TMEM39B: variants seen among roughly 807,000 people sequenced by gnomAD.
TMEM39B encodes the protein transmembrane protein 39B.
In TMEM39B, 23 loss-of-function variants were observed where a neutral mutation model predicts 52.2. That is an observed-to-expected ratio of 0.44 (90% confidence interval 0.32 to 0.62). The LOEUF (loss-of-function observed/expected upper bound fraction) is 0.62. Ranked by LOEUF, TMEM39B falls within the 20% of genes least tolerant of loss-of-function variation. TMEM39B has a pLI of 0.06. For synonymous variants in TMEM39B, 285 were observed against 264.0 expected, an observed-to-expected ratio of 1.08 and a Z score of -0.77; for missense variants, 547 against 642.0, an observed-to-expected ratio of 0.85 and a Z score of 1.60.
intron 1 of TMEM39B, among the ~76,000 whole-genome samples, chr1:32,074,617 G>T (rs1349930989): frequency 6.6e-6 from 1 of 152,182 alleles, no homozygotes; most frequent in Non-Finnish European, 1.5e-5. Flanking sequence ...ATTGGAGAGA[G>T]AGTGATGGGG....
At chr1:32,076,608 G>A in intron 3 of TMEM39B, 155 bp from the exon 4 acceptor site, 1 of 764,096 alleles carries the variant, frequency 1.3e-6, no homozygotes, top group Non-Finnish European at 2.3e-6. Flanking sequence ...TACTCCTGTA[G>A]GTAATTTCCT....
At chr1:32,088,446 T>C (rs1640465971) in intron 5 of TMEM39B, among the ~76,000 whole-genome samples, 1 of 151,954 alleles carries the variant, frequency 6.6e-6, no homozygotes, top group South Asian at 2.1e-4. Flanking sequence ...ATTATGTGAC[T>C]CATCTTTCTG....
chr1:32,096,831 G>A (rs1266930394), intron 7 of TMEM39B, among the ~76,000 whole-genome samples: 2 of 150,112 alleles, frequency 1.3e-5, no homozygotes, highest in Admixed American at 6.7e-5. Context: ...TTGAGACAAG[G>A]TCCCACTCTG....
At chr1:32,098,043 T>G (rs1640879354) in intron 7 of TMEM39B, among the ~76,000 whole-genome samples, 1 of 150,900 alleles carries the variant, frequency 6.6e-6, no homozygotes, top group Non-Finnish European at 1.5e-5. Context: ...GTTGCCCAGG[T>G]TGGAGTGCAG....
chr1:32,088,720 A>T (rs942772607), intron 5 of TMEM39B, among the ~76,000 whole-genome samples: 1 of 152,154 alleles, frequency 6.6e-6, no homozygotes, highest in Non-Finnish European at 1.5e-5. Context: ...AATTTAATTG[A>T]TCATAGGACC....
intron 5 of TMEM39B, among the ~76,000 whole-genome samples, chr1:32,091,157 C>G (rs1252923130): frequency 6.6e-6 from 1 of 152,090 alleles, no homozygotes; most frequent in African/African-American, 2.4e-5. Flanking sequence ...TGGTACCAAA[C>G]AGTTCTGATT....
intron 7 of TMEM39B, among the ~76,000 whole-genome samples, chr1:32,096,560 A>C (rs1640816236): frequency 6.8e-6 from 1 of 147,280 alleles, no homozygotes; most frequent in African/African-American, 2.5e-5. Context: ...CCTGGATTCA[A>C]GCGATTCTCC....
intron 5 of TMEM39B, among the ~76,000 whole-genome samples, chr1:32,088,243 C>T (rs556502680): frequency 2.7e-5 from 4 of 149,030 alleles, no homozygotes; most frequent in Admixed American, 6.8e-5. Flanking sequence ...GGTGAAACCC[C>T]GTCTCTACCA....
chr1:32,097,731 G>A (rs928841490), intron 7 of TMEM39B, among the ~76,000 whole-genome samples: 2 of 150,154 alleles, frequency 1.3e-5, no homozygotes, highest in African/African-American at 2.5e-5. Flanking sequence ...TGCAAGCTCC[G>A]CCTCCCAGGT....
At chr1:32,091,562 C>T (rs1224623413) in intron 5 of TMEM39B, 113 bp from the exon 6 acceptor site, 13 of 1,250,128 alleles carry the variant, frequency 1.0e-5, no homozygotes, top group Admixed American at 5.5e-5. Context: ...ATTCTCCCCT[C>T]TGGGCAGCCA....
intron 8 of TMEM39B, among the ~76,000 whole-genome samples, chr1:32,101,895 G>A (rs1641031526): frequency 6.6e-6 from 1 of 152,044 alleles, no homozygotes; most frequent in African/African-American, 2.4e-5. Flanking sequence ...CTGTTGCCAT[G>A]TCCCTTGGCA....
intron 4 of TMEM39B, 103 bp downstream of exon 4, chr1:32,076,949 G>A: frequency 7.1e-7 from 1 of 1,405,748 alleles, no homozygotes; most frequent in Non-Finnish European, 1.0e-6. Context: ...GTATTTCCTT[G>A]GGGCTCCCTT....
chr1:32,075,847 T>TGTGTGTGTGTGTGTGTGC, intron 3 of TMEM39B, 25 bp downstream of exon 3: 1 of 1,278,204 alleles, frequency 7.8e-7, no homozygotes. Flanking sequence ...AGGGTGTGTG[T>TGTGTGTGTGTGTGTGTGC]GTGTGTGTGT....
chr1:32,093,122 G>A (rs942194716), intron 6 of TMEM39B, among the ~76,000 whole-genome samples: 5 of 151,586 alleles, frequency 3.3e-5, no homozygotes, highest in South Asian at 2.1e-4. Context: ...TTTTTTAGAC[G>A]GAGTCTCGCT....
At chr1:32,099,954 G>A (rs539558717) in intron 7 of TMEM39B, among the ~76,000 whole-genome samples, 66 of 152,276 alleles carry the variant, frequency 4.3e-4, no homozygotes, top group African/African-American at 1.5e-3. Context: ...GGCTGAGGCA[G>A]GAGAATTGCT....
chr1:32,095,016 C>A, intron 7 of TMEM39B, 45 bp downstream of exon 7: 1 of 1,596,656 alleles, frequency 6.3e-7, no homozygotes, highest in South Asian at 1.1e-5. Flanking sequence ...CCCTTCTGGT[C>A]AGCATCTGGA....
rs755929146 is a variant in TMEM39B, at chr1:32,077,272, C to T, written c.544C>T (p.Leu182Phe). 1.9e-6 allele frequency: 3 copies of T among 1,614,192 alleles called. No homozygotes were observed. Among genetic ancestry groups the T allele is most frequent in the Non-Finnish European group, 2.5e-6 (3 of 1,180,036 alleles). Reference sequence around the variant, plus strand: ...GAGTCTGTGCCGATCCCTCATCCACCTCTTCAGGACCTACTCCTTCCTGAA... The same window carrying T: ...GAGTCTGTGCCGATCCCTCATCCACTTCTTCAGGACCTACTCCTTCCTGAA... ...GWSLCRSLIH[L>F]FRTYSFLNLL... The change falls in exon 5 of 9, where the codon CTC (leucine) becomes TTC (phenylalanine). Residue 182 changes from leucine (L) to phenylalanine (F), a missense_variant. By Grantham distance (22) the Leu-to-Phe change is conservative (BLOSUM62 0). Coordinates refer to ENST00000336294, the MANE Select transcript of TMEM39B (RefSeq NM_018056.4).
chr1:32,097,273 C>T (rs936120216), intron 7 of TMEM39B, among the ~76,000 whole-genome samples: 6 of 151,710 alleles, frequency 4.0e-5, no homozygotes, highest in South Asian at 2.1e-4. Context: ...TTTTCTTTCA[C>T]GAGAGGTTAG....
chr1:32,073,037 G>A lies in TMEM39B; in HGVS notation c.-11G>A, dbSNP rs751496537. 1 of 1,522,502 alleles carries A rather than the reference G, an allele frequency of 6.6e-7. No individual in the cohort carries two copies. Among genetic ancestry groups the A allele is most frequent in the Non-Finnish European group, 8.8e-7 (1 of 1,133,130 alleles). 94.3% of individuals were successfully genotyped at this position (1,522,502 alleles called of 1,614,324 possible). A position where few individuals can be genotyped will look rare whatever the true frequency, so the allele number is the denominator to read the frequency against. On this transcript the variant is annotated 5_prime_UTR_variant, in exon 1 of 9. Coordinates refer to ENST00000336294, the MANE Select transcript of TMEM39B (RefSeq NM_018056.4). ...CTGCGGCGGCGAAGCGGAGAGCACCGGGGGGAGGAGATGGGTGAGCAGAGC... is the reference window on the plus strand; with the variant it reads ...CTGCGGCGGCGAAGCGGAGAGCACCAGGGGGAGGAGATGGGTGAGCAGAGC...
Sources: allele counts gnomAD v4.1 joint callset (sites outside exome capture counted in the v4.1 genomes callset), GRCh38; gene constraint gnomAD v4.1.1; transcripts MANE v1.5; gene names NCBI Gene and HGNC (gene_info 2026-07-23, HGNC 2026-07-21).